The following VEGFC variants were observed in gnomAD, a reference collection of about 807,000 sequenced individuals.
VEGFC encodes the protein FLT4 ligand DHM.
A neutral mutation model predicts 46.1 loss-of-function variants in VEGFC; 12 were observed. That is an observed-to-expected ratio of 0.26 (90% confidence interval 0.17 to 0.42). The LOEUF (loss-of-function observed/expected upper bound fraction) is 0.42. Among genes scored for constraint, VEGFC ranks in the 10% least tolerant of loss-of-function variants. The probability of loss-of-function intolerance (pLI) is 1.00; values close to 1 mark genes in which losing one functional copy is unlikely to be tolerated. For missense variants in VEGFC, 488 were observed against 529.4 expected, an observed-to-expected ratio of 0.92 and a Z score of 0.77; for synonymous variants, 232 against 195.5, an observed-to-expected ratio of 1.19 and a Z score of -1.56.
At position 176,687,484 on chromosome 4, in the gene VEGFC, T is replaced by C; in HGVS notation, c.848A>G (p.Asn283Ser). 6.2e-7 allele frequency: 1 copy of C among 1,612,690 alleles called. No individual in the cohort carries two copies. The highest frequency in any genetic ancestry group is 2.2e-5 in the East Asian group (1 of 44,868). The change falls in exon 6 of 7, where the codon AAC becomes AGC. Residue 283 changes from asparagine (N) to serine (S), a missense_variant. Asn to Ser is a conservative substitution (Grantham distance 46). Coordinates refer to ENST00000618562, the MANE Select transcript of VEGFC (RefSeq NM_005429.5). ...ACAGGTCTCTTCATCCAGCTCCTTG[T>C]TTGGTCCACAGATGTCATGGAATCC... is the stretch of plus-strand genomic sequence containing the variant. ...TDGFHDICGP[N>S]KELDEETCQC...
chr4:176,779,245 T>C (rs1445897348), intron 1 of VEGFC, among the ~76,000 whole-genome samples: 2 of 152,156 alleles, frequency 1.3e-5, no homozygotes, highest in African/African-American at 4.8e-5. Context: ...AATTTAAATT[T>C]AAGAAAATCT....
intron 4 of VEGFC, among the ~76,000 whole-genome samples, chr4:176,694,296 A>C (rs1248763292): frequency 9.9e-5 from 15 of 151,838 alleles, no homozygotes; most frequent in African/African-American, 3.4e-4. Flanking sequence ...TCTACCAAGC[A>C]AATGGAAAAC....
intron 1 of VEGFC, among the ~76,000 whole-genome samples, chr4:176,773,288 T>C (rs1015284194): frequency 2.6e-5 from 4 of 152,176 alleles, no homozygotes; most frequent in Non-Finnish European, 5.9e-5. Flanking sequence ...AGTCTGGACA[T>C]TGATGATATG....
chr4:176,777,717 C>T (rs964849098), intron 1 of VEGFC, among the ~76,000 whole-genome samples: 69 of 149,172 alleles, frequency 4.6e-4, no homozygotes, highest in African/African-American at 1.7e-3. Context: ...GTCAGGAGAT[C>T]GAGACCATCC....
intron 1 of VEGFC, among the ~76,000 whole-genome samples, chr4:176,763,398 T>C (rs1286017762): frequency 6.6e-6 from 1 of 152,006 alleles, no homozygotes. Context: ...AGAGATGATA[T>C]TAAGATAAAG....
intron 1 of VEGFC, among the ~76,000 whole-genome samples, chr4:176,761,378 A>G (rs1295929559): frequency 6.6e-6 from 1 of 152,230 alleles, no homozygotes; most frequent in Non-Finnish European, 1.5e-5. Flanking sequence ...TGCCCATGCA[A>G]GTTTTCTGAG....
intron 1 of VEGFC, among the ~76,000 whole-genome samples, chr4:176,732,324 A>AC (rs1234669023): frequency 1.3e-5 from 2 of 151,842 alleles, no homozygotes; most frequent in African/African-American, 4.8e-5. Flanking sequence ...TATCTAAGAG[A>AC]CCCCCAGACT....
intron 1 of VEGFC, among the ~76,000 whole-genome samples, chr4:176,770,920 C>T (rs1290396054): frequency 6.6e-6 from 1 of 151,662 alleles, no homozygotes; most frequent in Non-Finnish European, 1.5e-5. Context: ...TTCTTCTACC[C>T]CTCTGCCATA....
chr4:176,765,522 A>G (rs1735604444), intron 1 of VEGFC, among the ~76,000 whole-genome samples: 1 of 151,860 alleles, frequency 6.6e-6, no homozygotes, highest in Non-Finnish European at 1.5e-5. Flanking sequence ...ACTACACCAT[A>G]ATAGAACTAC....
At chr4:176,789,896 T>C (rs1736062326) in intron 1 of VEGFC, among the ~76,000 whole-genome samples, 2 of 152,238 alleles carry the variant, frequency 1.3e-5, no homozygotes, top group Admixed American at 1.3e-4. Context: ...AAAAAGTTCC[T>C]AGGTGAAAGT....
intron 4 of VEGFC, among the ~76,000 whole-genome samples, chr4:176,694,399 G>A (rs191565444): frequency 7.3e-4 from 111 of 152,232 alleles, no homozygotes; most frequent in African/African-American, 2.3e-3. Context: ...TTACATAATC[G>A]TAAAGGGATC....
intron 1 of VEGFC, among the ~76,000 whole-genome samples, chr4:176,753,457 G>A (rs903669300): frequency 2.0e-5 from 3 of 152,014 alleles, no homozygotes; most frequent in Admixed American, 2.0e-4. Context: ...CTTTCATAGG[G>A]ATGATTTGTT....
intron 1 of VEGFC, among the ~76,000 whole-genome samples, chr4:176,791,554 TG>T (rs1736093193): frequency 9.1e-6 from 1 of 110,420 alleles, no homozygotes; most frequent in African/African-American, 2.5e-5. Context: ...CTTATAAAGT[TG>T]AAACAAGCCT....
At chr4:176,740,737 T>G (rs1263623328) in intron 1 of VEGFC, among the ~76,000 whole-genome samples, 1 of 151,480 alleles carries the variant, frequency 6.6e-6, no homozygotes, top group Non-Finnish European at 1.5e-5. Flanking sequence ...CATGGAGACA[T>G]TTTCAAAAGT....
At chr4:176,740,559 A>C (rs1452651458) in intron 1 of VEGFC, among the ~76,000 whole-genome samples, 3 of 138,832 alleles carry the variant, frequency 2.2e-5, no homozygotes, top group Non-Finnish European at 4.5e-5. Flanking sequence ...GTAACTATAT[A>C]TTCTATATAT....
chr4:176,688,447 T>C (rs1734086254), intron 4 of VEGFC, among the ~76,000 whole-genome samples: 1 of 152,222 alleles, frequency 6.6e-6, no homozygotes, highest in Admixed American at 6.5e-5. Context: ...TATGTAAATG[T>C]ATCTTTACTG....
chr4:176,723,215 A>G (rs1734817171), intron 3 of VEGFC, among the ~76,000 whole-genome samples: 1 of 152,320 alleles, frequency 6.6e-6, no homozygotes, highest in East Asian at 1.9e-4. Flanking sequence ...TATCTGTAAG[A>G]GAAACAGATA....
chr4:176,718,175 G>A (rs984006925), intron 3 of VEGFC, among the ~76,000 whole-genome samples: 4 of 152,058 alleles, frequency 2.6e-5, no homozygotes, highest in African/African-American at 9.7e-5. Flanking sequence ...CTGATAACTG[G>A]TACTGGCATA....
chr4:176,713,741 T>C (rs369688065), intron 3 of VEGFC, among the ~76,000 whole-genome samples: 1 of 152,044 alleles, frequency 6.6e-6, no homozygotes, highest in Non-Finnish European at 1.5e-5. Flanking sequence ...GGAACATCTA[T>C]GAGGTGGGAA....
Sources: gnomAD v4.1 joint callset for allele counts (sites outside exome capture counted in the v4.1 genomes callset) on GRCh38, gnomAD v4.1.1 for gene constraint, MANE v1.5 for transcripts, NCBI Gene and HGNC (gene_info 2026-07-23, HGNC 2026-07-21) for gene names.